The following PDE1A variants were observed in gnomAD, a reference collection of about 807,000 sequenced individuals.
PDE1A encodes the protein phosphodiesterase 1A.
A neutral mutation model predicts 61.7 loss-of-function variants in PDE1A; 35 were observed. That is an observed-to-expected ratio of 0.57 (90% CI 0.43 to 0.75). The LOEUF (loss-of-function observed/expected upper bound fraction) is 0.75, where lower values mean the gene tolerates loss of function less well. PDE1A is among the 30% of genes least tolerant of loss of function. The probability of loss-of-function intolerance (pLI) is 0.00; values close to 1 mark genes in which losing one functional copy is unlikely to be tolerated. For synonymous variants in PDE1A, 232 were observed against 213.2 expected, an observed-to-expected ratio of 1.09 and a Z score of -0.77; for missense variants, 597 against 630.6, an observed-to-expected ratio of 0.95 and a Z score of 0.57.
chr2:182,234,378 A>G (rs1689835931), intron 4 of PDE1A, 54 bp downstream of exon 4: 5 of 1,214,688 alleles, frequency 4.1e-6, no homozygotes, highest in Non-Finnish European at 4.8e-6. Context: ...AGCCTTTTTA[A>G]GAGAATTTTT....
chr2:182,335,791 G>T (rs1180714330), intron 1 of PDE1A, among the ~76,000 whole-genome samples: 2 of 152,080 alleles, frequency 1.3e-5, no homozygotes, highest in Non-Finnish European at 2.9e-5. Context: ...TTAAAGAGCT[G>T]CTGCATAGCA....
At chr2:182,454,562 A>T in intron 2 of PDE1A, among the ~76,000 whole-genome samples, 1 of 151,956 alleles carries the variant, frequency 6.6e-6, no homozygotes, top group Admixed American at 6.6e-5. Context: ...TACTGGTACC[A>T]AAACAGAGAT....
At chr2:182,407,610 G>A (rs1370221534) in intron 1 of PDE1A, among the ~76,000 whole-genome samples, 4 of 152,044 alleles carry the variant, frequency 2.6e-5, no homozygotes, top group African/African-American at 9.7e-5. Context: ...TCAAACCCCT[G>A]GCCTCAAGTG....
chr2:182,329,322 T>C (rs547713965), intron 1 of PDE1A, among the ~76,000 whole-genome samples: 7 of 152,314 alleles, frequency 4.6e-5, no homozygotes, highest in African/African-American at 1.7e-4. Flanking sequence ...AGAAACTTTT[T>C]CTATCCATAT....
intron 1 of PDE1A, among the ~76,000 whole-genome samples, chr2:182,415,573 C>T (rs976605800): frequency 6.6e-6 from 1 of 152,094 alleles, no homozygotes; most frequent in Non-Finnish European, 1.5e-5. Flanking sequence ...ATGATAGCAA[C>T]AAATCTCTTC....
At chr2:182,269,534 A>G (rs1475513060) in intron 1 of PDE1A, among the ~76,000 whole-genome samples, 1 of 152,008 alleles carries the variant, frequency 6.6e-6, no homozygotes. Context: ...AAAATTAAGG[A>G]TGTAATAATA....
the PDE1A span, among the ~76,000 whole-genome samples, chr2:182,692,225 G>A: frequency 6.6e-6 from 1 of 151,918 alleles, no homozygotes; most frequent in Non-Finnish European, 1.5e-5. Flanking sequence ...ACACACACAC[G>A]TTTATTGCGG....
the PDE1A span, among the ~76,000 whole-genome samples, chr2:182,680,511 A>G: frequency 6.6e-6 from 1 of 152,192 alleles, no homozygotes; most frequent in East Asian, 1.9e-4. Flanking sequence ...AGTTTTATAC[A>G]TGTTAAATAG....
the PDE1A span, chr2:182,715,897 C>A: frequency 6.6e-6 from 1 of 152,270 alleles, no homozygotes. Flanking sequence ...GACAAATCCT[C>A]CAAAGCTCCG....
chr2:182,369,679 A>T (rs1424937126), intron 1 of PDE1A, among the ~76,000 whole-genome samples: 1 of 152,196 alleles, frequency 6.6e-6, no homozygotes, highest in Non-Finnish European at 1.5e-5. Context: ...AGAAAAAAAA[A>T]AATGGCCATC....
chr2:182,285,062 T>C (rs567839498), intron 1 of PDE1A, among the ~76,000 whole-genome samples: 9 of 152,222 alleles, frequency 5.9e-5, no homozygotes, highest in African/African-American at 1.4e-4. Flanking sequence ...TTTCTCTTCA[T>C]AGCAAACTTG....
chr2:182,284,347 G>C (rs1000923557), intron 1 of PDE1A, among the ~76,000 whole-genome samples: 8 of 152,086 alleles, frequency 5.3e-5, no homozygotes, highest in Non-Finnish European at 1.0e-4. Flanking sequence ...AGCTGCATTA[G>C]AGGATTTTTA....
chr2:182,694,634 T>C, the PDE1A span, among the ~76,000 whole-genome samples: 1 of 152,102 alleles, frequency 6.6e-6, no homozygotes, highest in African/African-American at 2.4e-5. Flanking sequence ...TTAGAACAAA[T>C]GTTTACAGAA....
In PDE1A at chr2:182,418,862, T is replaced by C. The variant is rs146127653; in HGVS notation, c.53+7716A>G. On this transcript the variant is annotated intron_variant, in intron 1 of 13. Transcript: ENST00000351439. ...AGAAAACCCACCATCTGGCCACAGA[T>C]GCATGGAAAAGACCCACTGATATCA... 3.8e-3 allele frequency among the ~76,000 whole-genome samples: 573 copies of C among 152,228 alleles called. 6 individuals carry two copies. Among genetic ancestry groups the C allele is most frequent in the African/African-American group, 0.013 (555 of 41,546 alleles).
upstream of PDE1A, among the ~76,000 whole-genome samples, chr2:182,527,890 C>T (rs1446682300): frequency 6.6e-6 from 1 of 152,076 alleles, no homozygotes; most frequent in African/African-American, 2.4e-5. Flanking sequence ...TCGTCTGCCA[C>T]CATGTAAGAT....
chr2:182,534,149 T>C, the PDE1A span, among the ~76,000 whole-genome samples: 1 of 152,032 alleles, frequency 6.6e-6, no homozygotes, highest in South Asian at 2.1e-4. Flanking sequence ...TTTATCCTTT[T>C]AAAATTGTAT....
the PDE1A span, among the ~76,000 whole-genome samples, chr2:182,707,281 A>G: frequency 6.6e-6 from 1 of 152,180 alleles, no homozygotes; most frequent in Non-Finnish European, 1.5e-5. Context: ...CAACATAAGC[A>G]GGAAAAAGGA....
intron 1 of PDE1A, among the ~76,000 whole-genome samples, chr2:182,338,286 T>C (rs1287451299): frequency 6.6e-6 from 1 of 152,168 alleles, no homozygotes; most frequent in East Asian, 1.9e-4. Context: ...AGCTTTCTCA[T>C]CTGTAAAATA....
At chr2:182,143,107 G>A (rs959986067), downstream of PDE1A, 1 of 152,112 alleles carries the variant, frequency 6.6e-6, no homozygotes, top group African/African-American at 2.4e-5. Context: ...GCGCATGCTA[G>A]TCAAAGAGTA....
Sources: allele counts gnomAD v4.1 joint callset (sites outside exome capture counted in the v4.1 genomes callset), GRCh38; gene constraint gnomAD v4.1.1; transcripts MANE v1.5; gene names NCBI Gene and HGNC (gene_info 2026-07-23, HGNC 2026-07-21).